Variants in GALNT15 observed in about 807,000 individuals in gnomAD.
GALNT15 encodes polypeptide N-acetylgalactosaminyltransferase 15, also known as UDP-GalNAc transferase T15.
A neutral mutation model predicts 66.8 loss-of-function variants in GALNT15; 67 were observed. The observed-to-expected ratio is 1.00, with a 90% CI of 0.82 to 1.23. GALNT15 has a LOEUF of 1.23. Ranked by LOEUF, GALNT15 falls within the 50% of genes most tolerant of loss-of-function variation. The pLI is 0.00. For synonymous variants in GALNT15, 313 were observed against 311.5 expected (o/e 1.00, Z -0.05); for missense variants, 827 against 804.3 (o/e 1.03, Z -0.34).
At chr3:16,220,112 T>C in intron 8 of GALNT15, 98 bp downstream of exon 8, 1 of 924,942 alleles carries the variant, frequency 1.1e-6, no homozygotes, top group Non-Finnish European at 1.8e-6. Context: ...TTGAGGTATC[T>C]TCTTTCTGTG....
chr3:16,246,079 G>A, the GALNT15 span, among the ~76,000 whole-genome samples: 1 of 152,126 alleles, frequency 6.6e-6, no homozygotes, highest in Non-Finnish European at 1.5e-5. Context: ...AAGAGATTAT[G>A]GCTGGGGGCA....
intron 2 of GALNT15, among the ~76,000 whole-genome samples, chr3:16,197,278 C>T (rs1272583300): frequency 6.6e-6 from 1 of 152,164 alleles, no homozygotes; most frequent in Non-Finnish European, 1.5e-5. Context: ...GGATCTGGAT[C>T]CCCTGCCAAG....
At position 16,183,039 on chromosome 3, in the gene GALNT15, T is replaced by C. The variant is rs1366922465; in HGVS notation, c.539+7349T>C. ...GGAACTATGGCTCCAAGATGCTTCA[T>C]AGGCCTCCGGTCAGTGTTCAGACCA... On this transcript the variant is annotated intron_variant, in intron 1 of 9. Coordinates refer to ENST00000339732, the MANE Select transcript of GALNT15 (RefSeq NM_054110.5). The surrounding 1 kb of genome is among the most constrained non-coding windows in gnomAD (Gnocchi z 5.2). 2 of 152,258 alleles carry C rather than the reference T, an allele frequency of 1.3e-5. No individual in the cohort carries two copies. The highest frequency in any genetic ancestry group is 6.5e-5 in the Admixed American group (1 of 15,286). The allele number at this position is 152,258 out of a possible 1,614,324, so 9.4% of individuals were successfully genotyped here. A position where few individuals can be genotyped will look rare whatever the true frequency, so the allele number is the denominator to read the frequency against.
chr3:16,208,196 C>G lies in GALNT15; in HGVS notation c.912-307C>G, dbSNP rs929891813. Reference sequence around the variant, plus strand: ...TAAAATACTTCTAATAGTCACATTACAAAATAAAAATAAACAGATGAAGTT... The same window carrying G: ...TAAAATACTTCTAATAGTCACATTAGAAAATAAAAATAAACAGATGAAGTT... On this transcript the variant is annotated intron_variant, in intron 3 of 9. Coordinates refer to ENST00000339732, the MANE Select transcript of GALNT15 (RefSeq NM_054110.5). Among the ~76,000 whole-genome samples, 7 of 152,190 alleles carry G rather than the reference C, an allele frequency of 4.6e-5. No individual in the cohort carries two copies. The East Asian group carries it at 1.3e-3, about 29-fold the overall frequency.
rs1044068119 is a variant in GALNT15, at chr3:16,200,969, A to G, written c.911+146A>G. 3.5e-6 allele frequency: 2 copies of G among 578,466 alleles called. No homozygotes were observed. Among genetic ancestry groups the G allele is most frequent in the African/African-American group, 3.9e-5 (2 of 51,604 alleles). 35.8% of individuals were successfully genotyped at this position (578,466 alleles called of 1,614,324 possible). A position where few individuals can be genotyped will look rare whatever the true frequency, so the allele number is the denominator to read the frequency against. ...TTCCCTTCGGGTTTTCAGATGTGTA[A>G]GTTTTTTAAGACTATAGAGTTAGAG... On this transcript the variant is annotated intron_variant, in intron 3 of 9. Transcript: ENST00000339732. The surrounding 1 kb of genome is among the most constrained non-coding windows in gnomAD (Gnocchi z 4.4).
chr3:16,201,758 C>T (rs1364298120), intron 3 of GALNT15, among the ~76,000 whole-genome samples: 3 of 152,214 alleles, frequency 2.0e-5, no homozygotes, highest in Non-Finnish European at 4.4e-5. Flanking sequence ...CTTCCCCCAT[C>T]TGACCGTCAA....
At chr3:16,202,900 G>A (rs1455216669) in intron 3 of GALNT15, among the ~76,000 whole-genome samples, 1 of 152,222 alleles carries the variant, frequency 6.6e-6, no homozygotes, top group Non-Finnish European at 1.5e-5. Flanking sequence ...GGGTCACACA[G>A]CCATTTGACA....
Position 16,229,117 on chromosome 3 carries a change from G to C in GALNT15, c.*1617G>C, listed in dbSNP as rs1189209042. The C allele has an allele frequency of 1.0e-6, 1 of 985,262 alleles. No homozygotes were observed. Among genetic ancestry groups the C allele is most frequent in the Non-Finnish European group, 1.2e-6 (1 of 829,920 alleles). 61.0% of individuals were successfully genotyped at this position (985,262 alleles called of 1,614,324 possible). On this transcript the variant is annotated 3_prime_UTR_variant, in exon 10 of 10. Coordinates refer to ENST00000339732, the MANE Select transcript of GALNT15 (RefSeq NM_054110.5). The stretch of plus-strand genomic sequence containing the variant: ...CCCTAAAGATGCTAATCTCCTTTGG[G>C]CTGTCTCAGAACACAGTATCCTTCA...
Position 16,184,829 on chromosome 3 carries a change from C to T in GALNT15, c.539+9139C>T, listed in dbSNP as rs1259020930. On this transcript the variant is annotated intron_variant, in intron 1 of 9. Transcript: ENST00000339732. This position sits in a 1 kb window ranked among gnomAD's most constrained non-coding sequence, Gnocchi z 5.0. The stretch of plus-strand genomic sequence containing the variant: ...GAGACAGTGTAGAACATGCATGCAT[C>T]TCAGCGCTTCCTACCCTCTGCCCTT... Among the ~76,000 whole-genome samples, 2 of 152,200 alleles carry T rather than the reference C, an allele frequency of 1.3e-5. No individual in the cohort carries two copies. Among genetic ancestry groups the T allele is most frequent in the Admixed American group, 6.5e-5 (1 of 15,284 alleles).
chr3:16,244,089 G>C, the GALNT15 span: 9 of 828,378 alleles, frequency 1.1e-5, no homozygotes, highest in Non-Finnish European at 1.3e-5. Flanking sequence ...TAACAATCAA[G>C]ACAGAAGAAC....
chr3:16,215,588 T>C (rs2063862336), intron 6 of GALNT15, among the ~76,000 whole-genome samples: 2 of 152,080 alleles, frequency 1.3e-5, no homozygotes, highest in African/African-American at 2.4e-5. Context: ...CTGTCTGAAT[T>C]TGGGGGAAGG....
At chr3:16,230,174 A>T (rs2064068470), downstream of GALNT15, among the ~76,000 whole-genome samples, 1 of 152,182 alleles carries the variant, frequency 6.6e-6, no homozygotes, top group Admixed American at 6.5e-5. This position sits in a 1 kb window ranked among gnomAD's most constrained non-coding sequence, Gnocchi z 4.5. Flanking sequence ...CACCAAGTTC[A>T]TCATCATTAT....
intron 3 of GALNT15, among the ~76,000 whole-genome samples, chr3:16,205,167 C>G (rs2063744311): frequency 6.6e-6 from 1 of 152,200 alleles, no homozygotes; most frequent in Admixed American, 6.5e-5. Flanking sequence ...AGCAAGAGCA[C>G]TGGGAAGGGA....
At position 16,204,751 on chromosome 3, in the gene GALNT15, A is replaced by T. The variant is rs9815488; in HGVS notation, c.912-3752A>T. On this transcript the variant is annotated intron_variant, in intron 3 of 9. Coordinates refer to ENST00000339732, the MANE Select transcript of GALNT15 (RefSeq NM_054110.5). The surrounding 1 kb of genome is among the most constrained non-coding windows in gnomAD (Gnocchi z 4.5). ...AATGGGTCTGGTCCCTATCTGCGAG[A>T]CATCCGGTCCTTCAGGATCAGCCAG... Among the ~76,000 whole-genome samples the T allele has an allele frequency of 8.8e-3, 1,335 of 152,308 alleles. 18 individuals carry two copies. Among genetic ancestry groups the T allele is most frequent in the African/African-American group, 0.03 (1,247 of 41,560 alleles).
At chr3:16,241,609 C>T in the GALNT15 span, among the ~76,000 whole-genome samples, 4 of 152,042 alleles carry the variant, frequency 2.6e-5, no homozygotes, top group Non-Finnish European at 5.9e-5. The surrounding 1 kb of genome is among the most constrained non-coding windows in gnomAD (Gnocchi z 4.6). Flanking sequence ...AGTGCAATGG[C>T]GCGATCTCGG....
rs2063987481 is a variant in GALNT15, at chr3:16,224,763, A to G, written c.1773+2005A>G. ...GCGATTCTCCTGCCTCAGCCTCTTT[A>G]GTGGCTGAGATTAGAGGTGCCTGCC... On this transcript the variant is annotated intron_variant, in intron 9 of 9. Coordinates refer to ENST00000339732, the MANE Select transcript of GALNT15 (RefSeq NM_054110.5). This position sits in a 1 kb window ranked among gnomAD's most constrained non-coding sequence, Gnocchi z 5.2. Among the ~76,000 whole-genome samples, 1 of 150,690 alleles carries G rather than the reference A, an allele frequency of 6.6e-6. No individual in the cohort carries two copies. Among genetic ancestry groups the G allele is most frequent in the Non-Finnish European group, 1.5e-5 (1 of 67,884 alleles).
rs1575002779 is a variant in GALNT15 at position 16,228,186 on chromosome 3, CCTACTGAGAAT to C, written c.*691_*701del. On this transcript the variant is annotated 3_prime_UTR_variant, in exon 10 of 10. Transcript: ENST00000339732. ...TTCCACCATTGTAGAGAATTTCCTTCCTACTGAGAATCTACCTCTATTCCCCCTGCCCTAGC... is the reference window on the plus strand; with the variant it reads ...TTCCACCATTGTAGAGAATTTCCTTCCTACCTCTATTCCCCCTGCCCTAGC... 5.9e-5 allele frequency: 58 copies of C among 985,802 alleles called. No homozygotes were observed. The highest frequency in any genetic ancestry group is 7.0e-5 in the Non-Finnish European group (58 of 830,002). The allele number at this position is 985,802 out of a possible 1,614,324, so 61.1% of individuals were successfully genotyped here.
chr3:16,227,524 G>C lies in GALNT15; in HGVS notation c.*24G>C. On this transcript the variant is annotated 3_prime_UTR_variant, in exon 10 of 10. Transcript: ENST00000339732. The surrounding 1 kb of genome is among the most constrained non-coding windows in gnomAD (Gnocchi z 4.5). ...GAATGTCAATGTCAGAAGGAAAAGA[G>C]AATTTTGGCCATCAAAATCCAGCTC... 1 of 1,614,076 alleles carries C rather than the reference G, an allele frequency of 6.2e-7. No homozygotes were observed. Among genetic ancestry groups the C allele is most frequent in the Non-Finnish European group, 8.5e-7 (1 of 1,179,972 alleles).
rs1211924771 is a variant in GALNT15, at chr3:16,195,640, C to A, written c.540-120C>A. 5 of 757,184 alleles carry A rather than the reference C, an allele frequency of 6.6e-6. No individual in the cohort carries two copies. The highest frequency in any genetic ancestry group is 1.7e-5 in the African/African-American group (1 of 57,686). 46.9% of individuals were successfully genotyped at this position (757,184 alleles called of 1,614,324 possible). A position where few individuals can be genotyped will look rare whatever the true frequency, so the allele number is the denominator to read the frequency against. On this transcript the variant is annotated intron_variant, in intron 1 of 9. Coordinates refer to ENST00000339732, the MANE Select transcript of GALNT15 (RefSeq NM_054110.5). This position sits in a 1 kb window ranked among gnomAD's most constrained non-coding sequence, Gnocchi z 4.6. The stretch of plus-strand genomic sequence containing the variant: ...TTTTATATGGGAATTTTAAGAGATC[C>A]CATAGGACAGCCATATAATGGGGGC...
Sources: gnomAD v4.1 joint callset for allele counts (sites outside exome capture counted in the v4.1 genomes callset) on GRCh38, gnomAD v4.1.1 for gene constraint, Gnocchi (gnomAD v3.1) non-coding constraint, MANE v1.5 for transcripts, NCBI Gene and HGNC (gene_info 2026-07-23, HGNC 2026-07-21) for gene names.